The following GABRD variants were observed in gnomAD, a reference collection of about 807,000 sequenced individuals.
GABRD encodes the protein gamma-aminobutyric acid type A receptor subunit delta.
GABRD carries 25 observed loss-of-function variants against 47.3 expected under a neutral mutation model. The ratio of observed to expected loss-of-function variants is 0.53; its 90% CI spans 0.39 to 0.74. The LOEUF (loss-of-function observed/expected upper bound fraction) is 0.74, where lower values mean the gene tolerates loss of function less well. Among genes scored for constraint, GABRD ranks in the 30% least tolerant of loss-of-function variants. The pLI is 0.00. For synonymous variants in GABRD, 314 were observed against 278.8 expected, an observed-to-expected ratio of 1.13 and a Z score of -1.26; for missense variants, 497 against 643.4, an observed-to-expected ratio of 0.77 and a Z score of 2.46.
In GABRD at chr1:2,019,379, C is replaced by G. The variant is rs904017628; in HGVS notation, c.-45C>G. On this transcript the variant is annotated 5_prime_UTR_variant, in exon 1 of 9. Coordinates refer to ENST00000378585, the MANE Select transcript of GABRD (RefSeq NM_000815.5). ...CCGCCTGTGCCGCCTGTGCGGCCGC[C>G]GGGAGCCAAGTTTGCGCGGACCCCG... 3.2e-5 allele frequency: 32 copies of G among 1,015,372 alleles called. No homozygotes were observed. In the African/African-American group the frequency reaches 5.5e-4, roughly 17 times the overall value. 62.9% of individuals were successfully genotyped at this position (1,015,372 alleles called of 1,614,324 possible). A position where few individuals can be genotyped will look rare whatever the true frequency, so the allele number is the denominator to read the frequency against.
intron 4 of GABRD, 147 bp from the exon 5 acceptor site, chr1:2,027,430 G>A (rs1327119623): frequency 1.8e-5 from 13 of 713,650 alleles, no homozygotes; most frequent in Non-Finnish European, 3.1e-5. Flanking sequence ...CAGTTTCCAG[G>A]TTTACCTGGA....
At chr1:2,029,509 T>C in intron 7 of GABRD, 42 bp from the exon 8 acceptor site, 1 of 1,604,148 alleles carries the variant, frequency 6.2e-7, no homozygotes, top group Non-Finnish European at 8.5e-7. Flanking sequence ...TGGGGCGGCG[T>C]GAGGGCAGGG....
At chr1:2,019,773 G>A (rs1658724764) in intron 1 of GABRD, among the ~76,000 whole-genome samples, 1 of 152,116 alleles carries the variant, frequency 6.6e-6, no homozygotes, top group Non-Finnish European at 1.5e-5. Flanking sequence ...GAGGGCGTCG[G>A]AGCCTCCCGG....
In GABRD at chr1:2,028,890, C is replaced by T. The variant is rs1659005125; in HGVS notation, c.692-221C>T. 4 of 599,312 alleles carry T rather than the reference C, an allele frequency of 6.7e-6. 1 individual carries two copies. The South Asian group carries it at 8.7e-5, about 13-fold the overall frequency. 37.1% of individuals were successfully genotyped at this position (599,312 alleles called of 1,614,324 possible). A position where few individuals can be genotyped will look rare whatever the true frequency, so the allele number is the denominator to read the frequency against. Reference sequence around the variant, plus strand: ...AGTAACCTCAGCCTCTCTCCCTCTCCTCTGGGTGACACTGCTCAGGACCAG... The same window carrying T: ...AGTAACCTCAGCCTCTCTCCCTCTCTTCTGGGTGACACTGCTCAGGACCAG... On this transcript the variant is annotated intron_variant, in intron 6 of 8. Transcript: ENST00000378585. This position sits in a 1 kb window ranked among gnomAD's most constrained non-coding sequence, Gnocchi z 6.4.
intron 4 of GABRD, 157 bp downstream of exon 4, chr1:2,025,895 TC>T (rs1321756093): frequency 4.1e-5 from 26 of 630,146 alleles, no homozygotes; most frequent in South Asian, 2.7e-4. Context: ...GTTATTTATA[TC>T]CCCCGCAGCT....
Position 2,030,400 on chromosome 1 carries a change from C to T in GABRD, c.*118C>T. The T allele has an allele frequency of 1.1e-6, 1 of 906,888 alleles. No homozygotes were observed. The highest frequency in any genetic ancestry group is 1.6e-6 in the Non-Finnish European group (1 of 643,698). The allele number at this position is 906,888 out of a possible 1,614,324, so 56.2% of individuals were successfully genotyped here. A position where few individuals can be genotyped will look rare whatever the true frequency, so the allele number is the denominator to read the frequency against. On this transcript the variant is annotated 3_prime_UTR_variant, in exon 9 of 9. Transcript: ENST00000378585. ...CTCTGCGTGTTTCGAAGTGGGATGA[C>T]AGTCGGCCACGGAAAACAAGAGGAA...
In GABRD at chr1:2,030,158, A is replaced by AG; in HGVS notation, c.1241dup (p.Ile415HisfsTer14). 3 of 1,575,946 alleles carry AG rather than the reference A, an allele frequency of 1.9e-6. No homozygotes were observed. The highest frequency in any genetic ancestry group is 2.3e-5 in the East Asian group (1 of 44,408). On this transcript the variant is annotated frameshift_variant, in exon 9 of 9. Coordinates refer to ENST00000378585, the MANE Select transcript of GABRD (RefSeq NM_000815.5). LOFTEE classifies it high-confidence loss of function. ...GAGGGGGCAGCCCGCTCAGGAGGCC[A>AG]GGGGGGCATCCGTGCCCGGCTCAGG... is the stretch of plus-strand genomic sequence containing the variant.
chr1:2,029,477 G>A, intron 7 of GABRD, 74 bp from the exon 8 acceptor site: 1 of 1,585,238 alleles, frequency 6.3e-7, no homozygotes, highest in Non-Finnish European at 8.6e-7. Flanking sequence ...TCATCCGTGG[G>A]TCACAGGCAT....
chr1:2,026,182 G>A (rs1197068653), intron 4 of GABRD, among the ~76,000 whole-genome samples: 3 of 152,250 alleles, frequency 2.0e-5, no homozygotes, highest in East Asian at 3.9e-4. Context: ...GCAGCCACCC[G>A]CTTGCTTTCT....
At chr1:2,027,486 T>C (rs1571029926) in intron 4 of GABRD, 91 bp from the exon 5 acceptor site, 4 of 989,640 alleles carry the variant, frequency 4.0e-6, no homozygotes, top group African/African-American at 1.6e-5. Flanking sequence ...TCCAGGCAGG[T>C]GCTCAGGGGG....
chr1:2,019,594 C>T, intron 1 of GABRD, 103 bp downstream of exon 1: 1 of 678,608 alleles, frequency 1.5e-6, no homozygotes, highest in Non-Finnish European at 1.9e-6. Flanking sequence ...CCCCGGGCCC[C>T]GGACCCCAAG....
intron 1 of GABRD, chr1:2,023,820 C>T (rs1228791592): frequency 6.6e-6 from 1 of 152,246 alleles, no homozygotes; most frequent in African/African-American, 2.4e-5. Flanking sequence ...ACAATCACCA[C>T]AAACTGGACG....
At chr1:2,022,307 CCA>C (rs980235372) in intron 1 of GABRD, 1 of 152,340 alleles carries the variant, frequency 6.6e-6, no homozygotes, top group African/African-American at 2.4e-5. Context: ...CCTCCAGACC[CCA>C]GAGTCTGGCA....
rs370295640 is a variant in GABRD, at chr1:2,029,270, C to A, written c.847+4C>A. 2 of 1,553,862 alleles carry A rather than the reference C, an allele frequency of 1.3e-6. No homozygotes were observed. Among genetic ancestry groups the A allele is most frequent in the South Asian group, 2.4e-5 (2 of 84,572 alleles). On this transcript the variant is annotated splice_donor_region_variant and intron_variant, in intron 7 of 8. Coordinates refer to ENST00000378585, the MANE Select transcript of GABRD (RefSeq NM_000815.5). The stretch of plus-strand genomic sequence containing the variant: ...GTGCCCGCCAGGGTGTCTCTAGGTA[C>A]GGGGCCTCGCCGCTGCTCCGAGGGA...
At chr1:2,025,084 G>C in intron 2 of GABRD, 30 bp downstream of exon 2, 1 of 1,557,912 alleles carries the variant, frequency 6.4e-7, no homozygotes, top group Non-Finnish European at 8.8e-7. Flanking sequence ...CGGCAGGCAG[G>C]AGCCGCTGGA....
At position 2,025,030 on chromosome 1, in the gene GABRD, C is replaced by T. The variant is rs747096398; in HGVS notation, c.157C>T (p.Arg53Cys). ...NLDGLIAGYA[R>C]NFRPGIGGPP... ...GGACGGGCTGATAGCCGGCTACGCC[C>T]GCAACTTCCGGCCTGGCATCGGAGG... Residue 53 changes from arginine to cysteine, a missense_variant, in exon 2 of 9, where the codon CGC becomes TGC. Transcript: ENST00000378585. The T allele has an allele frequency of 6.2e-6, 10 of 1,612,636 alleles. No individual in the cohort carries two copies. The highest frequency in any genetic ancestry group is 1.7e-4 in the Middle Eastern group (1 of 6,058).
chr1:2,025,715 C>T lies in GABRD; in HGVS notation c.447C>T (p.Asp149=), dbSNP rs775338230. The part of the protein sequence containing the change: ...VENKLIRLQP[D]GVILYSIRIT... ...ACAAGCTCATCCGGCTGCAGCCCGA[C>T]GGCGTGATCCTGTACAGCATCCGGT... Residue 149 remains aspartate, a synonymous_variant, in exon 4 of 9, where the codon GAC becomes GAT. Coordinates refer to ENST00000378585, the MANE Select transcript of GABRD (RefSeq NM_000815.5). The T allele has an allele frequency of 5.3e-5, 85 of 1,612,708 alleles. No individual in the cohort carries two copies. The highest frequency in any genetic ancestry group is 3.4e-4 in the South Asian group (31 of 91,092).
At position 2,029,970 on chromosome 1, in the gene GABRD, G is replaced by A. The variant is rs780939788; in HGVS notation, c.1060-13G>A. On this transcript the variant is annotated splice_polypyrimidine_tract_variant and intron_variant, in intron 8 of 8. Coordinates refer to ENST00000378585, the MANE Select transcript of GABRD (RefSeq NM_000815.5). ...AGTGCTCAGCCCTGTCTCCCCCACCGGCCTTCGTGCAGATGGACGTGAGGA... is the reference window on the plus strand; with the variant it reads ...AGTGCTCAGCCCTGTCTCCCCCACCAGCCTTCGTGCAGATGGACGTGAGGA... 6 of 1,611,922 alleles carry A rather than the reference G, an allele frequency of 3.7e-6. No homozygotes were observed. Among genetic ancestry groups the A allele is most frequent in the Admixed American group, 1.7e-5 (1 of 59,876 alleles).
At chr1:2,020,242 C>T (rs951671180) in intron 1 of GABRD, among the ~76,000 whole-genome samples, 1 of 152,234 alleles carries the variant, frequency 6.6e-6, no homozygotes, top group African/African-American at 2.4e-5. Context: ...ATGGGCTCCT[C>T]AGCCACCCAG....
Sources: gnomAD v4.1 joint callset for allele counts (sites outside exome capture counted in the v4.1 genomes callset) on GRCh38, gnomAD v4.1.1 for gene constraint, Gnocchi (gnomAD v3.1) non-coding constraint, MANE v1.5 for transcripts, NCBI Gene and HGNC (gene_info 2026-07-23, HGNC 2026-07-21) for gene names.